Variants in LRFN2 observed in about 807,000 individuals in gnomAD.
LRFN2 encodes leucine rich repeat and fibronectin type III domain containing 2.
A neutral mutation model predicts 37.3 loss-of-function variants in LRFN2; 18 were observed. That is an observed-to-expected ratio of 0.48 (90% confidence interval 0.33 to 0.72). LRFN2 has a LOEUF of 0.72. LRFN2 is among the 30% of genes least tolerant of loss of function. The probability of loss-of-function intolerance (pLI) is 0.02; values close to 1 mark genes in which losing one functional copy is unlikely to be tolerated. For synonymous variants in LRFN2, 556 were observed against 466.6 expected (o/e 1.19, Z -2.47); for missense variants, 1,006 against 1,060.7 (o/e 0.95, Z 0.72).
At chr6:40,472,489 T>A (rs1194871182) in intron 1 of LRFN2, among the ~76,000 whole-genome samples, 1 of 152,180 alleles carries the variant, frequency 6.6e-6, no homozygotes, top group Non-Finnish European at 1.5e-5. Context: ...CTTTGGGCAT[T>A]TTCAGCCTAA....
intron 1 of LRFN2, among the ~76,000 whole-genome samples, chr6:40,488,228 A>C (rs1581743711): frequency 6.6e-6 from 1 of 152,106 alleles, no homozygotes; most frequent in East Asian, 1.9e-4. Flanking sequence ...TACACCAGGG[A>C]ATGGGTGGCT....
At chr6:40,579,051 G>A (rs1767344651) in intron 1 of LRFN2, among the ~76,000 whole-genome samples, 1 of 152,154 alleles carries the variant, frequency 6.6e-6, no homozygotes. Flanking sequence ...CTCATCAGAT[G>A]AAGACTTCCC....
intron 1 of LRFN2, among the ~76,000 whole-genome samples, chr6:40,443,341 A>G (rs1763889276): frequency 6.6e-6 from 1 of 152,220 alleles, no homozygotes; most frequent in African/African-American, 2.4e-5. Context: ...GCAATAGGGA[A>G]AAGGCCCATC....
chr6:40,583,521 G>C (rs1316110723), intron 1 of LRFN2, among the ~76,000 whole-genome samples: 1 of 152,154 alleles, frequency 6.6e-6, no homozygotes, highest in Non-Finnish European at 1.5e-5. Flanking sequence ...TGATACCTGA[G>C]TATAATTATA....
intron 1 of LRFN2, among the ~76,000 whole-genome samples, chr6:40,548,633 C>T (rs1323973985): frequency 6.6e-6 from 1 of 152,066 alleles, no homozygotes; most frequent in Non-Finnish European, 1.5e-5. Context: ...AAGGTTGAGG[C>T]TCCAACCAAT....
rs1188072304 is a variant in LRFN2 at position 40,432,782 on chromosome 6, C to T, written c.332G>A (p.Arg111Gln). 1.9e-6 allele frequency: 3 copies of T among 1,614,168 alleles called. No individual in the cohort carries two copies. The highest frequency in any genetic ancestry group is 1.7e-6 in the Non-Finnish European group (2 of 1,180,038). The change falls in exon 2 of 3, where the codon CGG (arginine) becomes CAG (glutamine). Residue 111 changes from arginine to glutamine, a missense_variant. Coordinates refer to ENST00000338305, the MANE Select transcript of LRFN2 (RefSeq NM_020737.3). ...SLRSLHLDSNRLPSLGEDTLR... is the reference protein window; with the variant it reads ...SLRSLHLDSNQLPSLGEDTLR... ...GGTGTCCTCCCCAAGGCTTGGCAGCCGATTGCTGTCAAGATGCAGGGAGCG... is the reference window on the plus strand; with the variant it reads ...GGTGTCCTCCCCAAGGCTTGGCAGCTGATTGCTGTCAAGATGCAGGGAGCG...
chr6:40,410,025 A>G (rs748770475), intron 2 of LRFN2, among the ~76,000 whole-genome samples: 1 of 152,192 alleles, frequency 6.6e-6, no homozygotes, highest in Non-Finnish European at 1.5e-5. Context: ...CTGCTCAGGA[A>G]GGAATTAATT....
At chr6:40,475,871 C>T (rs999424729) in intron 1 of LRFN2, among the ~76,000 whole-genome samples, 4 of 152,168 alleles carry the variant, frequency 2.6e-5, no homozygotes, top group Non-Finnish European at 5.9e-5. Context: ...GCCAAGGATG[C>T]ACAGCTAATT....
intron 1 of LRFN2, among the ~76,000 whole-genome samples, chr6:40,525,511 G>A (rs1014858460): frequency 1.3e-5 from 2 of 152,118 alleles, no homozygotes; most frequent in African/African-American, 2.4e-5. Flanking sequence ...AGTTCCAGCC[G>A]GCCTCCCATA....
At chr6:40,487,483 A>C (rs1764990354) in intron 1 of LRFN2, among the ~76,000 whole-genome samples, 1 of 152,164 alleles carries the variant, frequency 6.6e-6, no homozygotes, top group Non-Finnish European at 1.5e-5. Flanking sequence ...CATCTCACTA[A>C]ATGGCAACTC....
chr6:40,584,172 A>C (rs928075400), intron 1 of LRFN2, among the ~76,000 whole-genome samples: 8 of 152,192 alleles, frequency 5.3e-5, no homozygotes, highest in Non-Finnish European at 7.3e-5. Flanking sequence ...AGTTGGCTGT[A>C]CTATCCTCCA....
chr6:40,469,351 C>T lies in LRFN2; in HGVS notation c.-18-36220G>A, dbSNP rs189146771. On this transcript the variant is annotated intron_variant, in intron 1 of 2. Transcript: ENST00000338305. ...TGTTGGCTTAAGCCATCCAGCCATCCGGTTTGTGGTCATTTGTTGCAGATG... is the reference window on the plus strand; with the variant it reads ...TGTTGGCTTAAGCCATCCAGCCATCTGGTTTGTGGTCATTTGTTGCAGATG... Among the ~76,000 whole-genome samples the T allele has an allele frequency of 5.3e-5, 8 of 151,896 alleles. No homozygotes were observed. In the East Asian group the frequency reaches 7.8e-4, roughly 15 times the overall value.
At chr6:40,572,486 A>G (rs867323351) in intron 1 of LRFN2, among the ~76,000 whole-genome samples, 12 of 152,208 alleles carry the variant, frequency 7.9e-5, no homozygotes, top group African/African-American at 2.7e-4. Context: ...TTTGGAAGTT[A>G]AAGAGAAAAA....
chr6:40,484,247 C>T (rs1055299217), intron 1 of LRFN2, among the ~76,000 whole-genome samples: 2 of 152,282 alleles, frequency 1.3e-5, no homozygotes, highest in Non-Finnish European at 2.9e-5. Flanking sequence ...GAGTGTGGTG[C>T]CGATCCAGGA....
At chr6:40,499,651 A>G (rs1765324161) in intron 1 of LRFN2, among the ~76,000 whole-genome samples, 1 of 151,890 alleles carries the variant, frequency 6.6e-6, no homozygotes, top group East Asian at 1.9e-4. Flanking sequence ...GGCAGCAGAG[A>G]GTGTGGGCCG....
At chr6:40,564,447 C>G (rs1767053160) in intron 1 of LRFN2, among the ~76,000 whole-genome samples, 2 of 152,252 alleles carry the variant, frequency 1.3e-5, no homozygotes, top group African/African-American at 4.8e-5. Flanking sequence ...AGGCAGACAC[C>G]CAAAGTTCAT....
intron 1 of LRFN2, among the ~76,000 whole-genome samples, chr6:40,452,266 C>G (rs1764128113): frequency 6.6e-6 from 1 of 152,178 alleles, no homozygotes; most frequent in South Asian, 2.1e-4. Context: ...ATGGCATCAC[C>G]TGGCCTCAAG....
At chr6:40,447,337 T>C (rs1158753750) in intron 1 of LRFN2, among the ~76,000 whole-genome samples, 1 of 152,220 alleles carries the variant, frequency 6.6e-6, no homozygotes, top group Admixed American at 6.5e-5. Context: ...AAAGTTGTGG[T>C]AATGTTACGA....
At chr6:40,490,283 A>G (rs79899461) in intron 1 of LRFN2, among the ~76,000 whole-genome samples, 4,252 of 152,302 alleles carry the variant, frequency 0.028, 109 homozygotes, top group East Asian at 0.098. Flanking sequence ...CTTGCTTGGA[A>G]CAGACTCTCT....
Sources: allele counts gnomAD v4.1 joint callset (sites outside exome capture counted in the v4.1 genomes callset), GRCh38; gene constraint gnomAD v4.1.1; transcripts MANE v1.5; gene names NCBI Gene and HGNC (gene_info 2026-07-23, HGNC 2026-07-21).